Variants in MELTF observed in about 807,000 individuals in gnomAD.
The protein encoded by MELTF is melanotransferrin.
MELTF carries 67 observed loss-of-function variants against 83.7 expected under a neutral mutation model. The ratio of observed to expected loss-of-function variants is 0.80; its 90% CI spans 0.66 to 0.98. The LOEUF (loss-of-function observed/expected upper bound fraction) is 0.98. MELTF is among the 50% of genes least tolerant of loss of function. The pLI is 0.00. For missense variants in MELTF, 1,002 were observed against 1,035.6 expected (o/e 0.97, Z 0.44); for synonymous variants, 462 against 447.6 (o/e 1.03, Z -0.41).
At chr3:197,015,279 G>A in intron 9 of MELTF, 86 bp downstream of exon 9, 1 of 1,401,034 alleles carries the variant, frequency 7.1e-7, no homozygotes, top group South Asian at 1.4e-5. Flanking sequence ...TCTTCCCCAG[G>A]CAGCAGGGGG....
At chr3:197,015,609 T>C (rs898154256) in intron 8 of MELTF, 93 bp from the exon 9 acceptor site, 1 of 1,349,142 alleles carries the variant, frequency 7.4e-7, no homozygotes. Flanking sequence ...GCCTTTCTCC[T>C]GTCAGGTGTG....
At chr3:197,017,341 G>T in intron 6 of MELTF, 51 bp from the exon 7 acceptor site, 1 of 1,455,252 alleles carries the variant, frequency 6.9e-7, no homozygotes, top group South Asian at 1.4e-5. Context: ...GGTTGGGGCG[G>T]GTGGCGGGGA....
chr3:197,011,348 C>G lies in MELTF; in HGVS notation c.1234-554G>C, dbSNP rs1157304225. On this transcript the variant is annotated intron_variant, in intron 9 of 15. Coordinates refer to ENST00000296350, the MANE Select transcript of MELTF (RefSeq NM_005929.6). The surrounding 1 kb of genome is among the most constrained non-coding windows in gnomAD (Gnocchi z 4.2). ...AGGGTCCAGTGCCTTCTTCCCAGGA[C>G]CCTCCTGGGGCCTCCAGGTCACCTG... Among the ~76,000 whole-genome samples, 1 of 152,182 alleles carries G rather than the reference C, an allele frequency of 6.6e-6. No homozygotes were observed. Among genetic ancestry groups the G allele is most frequent in the Non-Finnish European group, 1.5e-5 (1 of 68,010 alleles).
Position 197,011,197 on chromosome 3 carries a change from G to A in MELTF, c.1234-403C>T, listed in dbSNP as rs529554108. The stretch of plus-strand genomic sequence containing the variant: ...GCCAAGGGCCAGCACAGCGTGTGCT[G>A]CAATGCCTGTCTGTTAAATGCGTGT... On this transcript the variant is annotated intron_variant, in intron 9 of 15. Coordinates refer to ENST00000296350, the MANE Select transcript of MELTF (RefSeq NM_005929.6). This position sits in a 1 kb window ranked among gnomAD's most constrained non-coding sequence, Gnocchi z 4.2. 5.0e-4 allele frequency among the ~76,000 whole-genome samples: 76 copies of A among 152,346 alleles called. No individual in the cohort carries two copies. The highest frequency in any genetic ancestry group is 3.7e-3 in the South Asian group (18 of 4,832).
Position 197,015,996 on chromosome 3 carries a change from C to T in MELTF, c.1081+193G>A, listed in dbSNP as rs932000018. On this transcript the variant is annotated intron_variant, in intron 8 of 15. Coordinates refer to ENST00000296350, the MANE Select transcript of MELTF (RefSeq NM_005929.6). ...CCCCGCTGCGGCCAGGTGGGGCTTC[C>T]GAGGTACAACAGGCCATACAGTGGA... Among the ~76,000 whole-genome samples the T allele has an allele frequency of 3.3e-5, 5 of 152,224 alleles. No homozygotes were observed. The East Asian group carries it at 5.8e-4, about 18-fold the overall frequency.
At position 197,028,101 on chromosome 3, in the gene MELTF, CCT is replaced by C. The variant is rs371170264; in HGVS notation, c.50-193_50-192del. The stretch of plus-strand genomic sequence containing the variant: ...AGGGCTGGTATTCCTGTGCTCAGGG[CCT>C]CTCTGACCAGGAGCACGGCTGCTGG... On this transcript the variant is annotated intron_variant, in intron 1 of 15. Coordinates refer to ENST00000296350, the MANE Select transcript of MELTF (RefSeq NM_005929.6). The C allele has an allele frequency of 9.9e-5, 62 of 627,300 alleles. No homozygotes were observed. The East Asian group carries it at 1.6e-3, about 16-fold the overall frequency. 38.9% of individuals were successfully genotyped at this position (627,300 alleles called of 1,614,324 possible). A position where few individuals can be genotyped will look rare whatever the true frequency, so the allele number is the denominator to read the frequency against.
Position 197,003,672 on chromosome 3 carries a change from T to C in MELTF, c.2138-221A>G. ...CCCCAGATCCTCCCCGCGCCGCCGTTTTGAGCGTTCACACTCATTACCCAG... is the reference window on the plus strand; with the variant it reads ...CCCCAGATCCTCCCCGCGCCGCCGTCTTGAGCGTTCACACTCATTACCCAG... On this transcript the variant is annotated intron_variant, in intron 15 of 15. Transcript: ENST00000296350. The surrounding 1 kb of genome is among the most constrained non-coding windows in gnomAD (Gnocchi z 6.2). 1.5e-6 allele frequency: 1 copy of C among 661,374 alleles called. No individual in the cohort carries two copies. Among genetic ancestry groups the C allele is most frequent in the African/African-American group, 1.8e-5 (1 of 55,038 alleles). The allele number at this position is 661,374 out of a possible 1,614,324, so 41.0% of individuals were successfully genotyped here.
chr3:197,010,561 A>G, intron 10 of MELTF, 137 bp downstream of exon 10: 1 of 693,902 alleles, frequency 1.4e-6, no homozygotes, highest in Non-Finnish European at 2.4e-6. Flanking sequence ...CAGGAGGGGC[A>G]GGCCTGGTGA....
At chr3:197,027,957 C>G (rs1212044299) in intron 1 of MELTF, 47 bp from the exon 2 acceptor site, 1 of 1,517,686 alleles carries the variant, frequency 6.6e-7, no homozygotes. Context: ...CCTGCCCAGC[C>G]CCGGCCCACC....
Position 197,024,540 on chromosome 3 carries a change from G to A in MELTF, c.305-55C>T. 1.4e-6 allele frequency: 2 copies of A among 1,474,794 alleles called. No individual in the cohort carries two copies. Among genetic ancestry groups the A allele is most frequent in the South Asian group, 1.3e-5 (1 of 76,042 alleles). The allele number at this position is 1,474,794 out of a possible 1,614,324, so 91.4% of individuals were successfully genotyped here. A position where few individuals can be genotyped will look rare whatever the true frequency, so the allele number is the denominator to read the frequency against. On this transcript the variant is annotated intron_variant, in intron 3 of 15. Coordinates refer to ENST00000296350, the MANE Select transcript of MELTF (RefSeq NM_005929.6). The surrounding 1 kb of genome is among the most constrained non-coding windows in gnomAD (Gnocchi z 5.3). ...GCAGGGAGAGGCCTCGAGAGAGGCT[G>A]CACCAGCACCCTGCCTGGGCGGGCT...
chr3:197,023,021 A>C lies in MELTF; in HGVS notation c.580T>G (p.Ser194Ala). The change falls in exon 5 of 16, where the codon TCT becomes GCT. Residue 194 changes from serine to alanine, a missense_variant. Ser to Ala is a moderately conservative substitution (Grantham distance 99, BLOSUM62 1). Coordinates refer to ENST00000296350, the MANE Select transcript of MELTF (RefSeq NM_005929.6). ...CTCTTGTCACACACCCCTTCCCCAG[A>C]GCTGTCACCCCTGCAGAGGCGACAG... is the stretch of plus-strand genomic sequence containing the variant. ...SLCRLCRGDS[S>A]GEGVCDKSPL... 1 of 1,613,656 alleles carries C rather than the reference A, an allele frequency of 6.2e-7. No individual in the cohort carries two copies. The highest frequency in any genetic ancestry group is 1.1e-5 in the South Asian group (1 of 91,062).
In MELTF at chr3:197,015,975, G is replaced by A. The variant is rs574371315; in HGVS notation, c.1081+214C>T. Among the ~76,000 whole-genome samples, 66 of 152,262 alleles carry A rather than the reference G, an allele frequency of 4.3e-4. 1 individual carries two copies. The South Asian group carries it at 0.013, about 30-fold the overall frequency. On this transcript the variant is annotated intron_variant, in intron 8 of 15. Coordinates refer to ENST00000296350, the MANE Select transcript of MELTF (RefSeq NM_005929.6). ...ATTCTGATGGTCTGCATCCTCCCCC[G>A]CTGCGGCCAGGTGGGGCTTCCGAGG...
chr3:197,011,395 C>A lies in MELTF; in HGVS notation c.1234-601G>T, dbSNP rs145665403. 4.5e-4 allele frequency among the ~76,000 whole-genome samples: 68 copies of A among 152,262 alleles called. No homozygotes were observed. Among genetic ancestry groups the A allele is most frequent in the African/African-American group, 1.6e-3 (67 of 41,564 alleles). ...CCTGCACCCACCCCGCTTGTCCATT[C>A]GGAAGCCTATTGACAGGTGGTCCCA... On this transcript the variant is annotated intron_variant, in intron 9 of 15. Coordinates refer to ENST00000296350, the MANE Select transcript of MELTF (RefSeq NM_005929.6). The surrounding 1 kb of genome is among the most constrained non-coding windows in gnomAD (Gnocchi z 4.2).
chr3:197,027,959 C>G, intron 1 of MELTF, 49 bp from the exon 2 acceptor site: 2 of 1,516,000 alleles, frequency 1.3e-6, no homozygotes, highest in Middle Eastern at 2.3e-4. Flanking sequence ...TGCCCAGCCC[C>G]GGCCCACCAT....
In MELTF at chr3:197,024,386, T is replaced by C. The variant is rs199667085; in HGVS notation, c.404A>G (p.Asn135Ser). 1.6e-4 allele frequency: 258 copies of C among 1,610,576 alleles called. No individual in the cohort carries two copies. The highest frequency in any genetic ancestry group is 1.9e-4 in the Non-Finnish European group (225 of 1,178,438). The change falls in exon 4 of 16, where the codon AAT (asparagine) becomes AGT (serine). Residue 135 changes from asparagine (N) to serine (S), a missense_variant. Transcript: ENST00000296350. The surrounding 1 kb of genome is among the most constrained non-coding windows in gnomAD (Gnocchi z 5.3). ...KGVKSCHTGINRTVGWNVPVG... is the reference protein window; with the variant it reads ...KGVKSCHTGISRTVGWNVPVG... ...GGGCACGTTCCAGCCCACTGTGCGA[T>C]TGATGCCCGTGTGGCAGGACTTCAC...
chr3:197,015,922 G>A (rs999267650), intron 8 of MELTF, among the ~76,000 whole-genome samples: 1 of 152,148 alleles, frequency 6.6e-6, no homozygotes, highest in African/African-American at 2.4e-5. Context: ...CCGTGGATGG[G>A]GGGGCGAGGA....
Position 197,003,229 on chromosome 3 carries a change from G to C in MELTF, c.*143C>G. 1.1e-6 allele frequency: 1 copy of C among 931,362 alleles called. No individual in the cohort carries two copies. The highest frequency in any genetic ancestry group is 1.3e-6 in the Non-Finnish European group (1 of 774,210). The allele number at this position is 931,362 out of a possible 1,614,324, so 57.7% of individuals were successfully genotyped here. A position where few individuals can be genotyped will look rare whatever the true frequency, so the allele number is the denominator to read the frequency against. On this transcript the variant is annotated 3_prime_UTR_variant, in exon 16 of 16. Transcript: ENST00000296350. This position sits in a 1 kb window ranked among gnomAD's most constrained non-coding sequence, Gnocchi z 6.2. ...CAGGTAGCAGCGCCAGGTGGCGCCC[G>C]TGGGCGGCGGGGCTCCCGGGGAGGC...
At position 197,010,730 on chromosome 3, in the gene MELTF, C is replaced by A. The variant is rs1385392506; in HGVS notation, c.1298G>T (p.Gly433Val). ...GTGCTCCCCGGCTGCGGGAACCAGGCCGTACGTCTTCCCCGCCGTGTAAAT... is the reference window on the plus strand; with the variant it reads ...GTGCTCCCCGGCTGCGGGAACCAGGACGTACGTCTTCCCCGCCGTGTAAAT... ...EDIYTAGKTY[G>V]LVPAAGEHYA... The change falls in exon 10 of 16, where the codon GGC becomes GTC. Residue 433 changes from glycine to valine, a missense_variant. By Grantham distance (109) the Gly-to-Val change is moderately radical. Transcript: ENST00000296350. 2 of 1,613,652 alleles carry A rather than the reference C, an allele frequency of 1.2e-6. No homozygotes were observed. The highest frequency in any genetic ancestry group is 1.7e-6 in the Non-Finnish European group (2 of 1,180,032).
chr3:197,016,374 G>GC lies in MELTF; in HGVS notation c.901-6_901-5insG. 6.3e-7 allele frequency: 1 copy of GC among 1,574,986 alleles called. No individual in the cohort carries two copies. Among genetic ancestry groups the GC allele is most frequent in the Non-Finnish European group, 8.6e-7 (1 of 1,160,214 alleles). ...GCCCTCGTGGCTGAACAGACGCTGTGTGTCAAGGGGTGTGGTACAGGGTGG... is the reference window on the plus strand; with the variant it reads ...GCCCTCGTGGCTGAACAGACGCTGTGCTGTCAAGGGGTGTGGTACAGGGTGG... On this transcript the variant is annotated splice_region_variant and splice_polypyrimidine_tract_variant and intron_variant, in intron 7 of 15. Coordinates refer to ENST00000296350, the MANE Select transcript of MELTF (RefSeq NM_005929.6).
Sources: allele counts gnomAD v4.1 joint callset (sites outside exome capture counted in the v4.1 genomes callset), GRCh38; gene constraint gnomAD v4.1.1; non-coding constraint Gnocchi (gnomAD v3.1); transcripts MANE v1.5; gene names NCBI Gene and HGNC (gene_info 2026-07-23, HGNC 2026-07-21).